CCDC149: variants seen among roughly 807,000 people sequenced by gnomAD.
CCDC149 encodes coiled-coil domain-containing protein 149.
Under a neutral mutation model 59.9 loss-of-function variants are expected in CCDC149, and 45 were observed. That is an observed-to-expected ratio of 0.75 (90% CI 0.59 to 0.96). CCDC149 has a LOEUF of 0.96. CCDC149 is among the 40% of genes least tolerant of loss of function. The pLI, the probability that CCDC149 is intolerant of heterozygous loss-of-function variation, is 0.00. For missense variants in CCDC149, 584 were observed against 664.7 expected (o/e 0.88, Z 1.33); for synonymous variants, 245 against 260.6 (o/e 0.94, Z 0.58).
At position 24,837,371 on chromosome 4, in the gene CCDC149, A is replaced by C; in HGVS notation, c.519T>G (p.Ala173=). 1 of 1,614,194 alleles carries C rather than the reference A, an allele frequency of 6.2e-7. No homozygotes were observed. The highest frequency in any genetic ancestry group is 8.5e-7 in the Non-Finnish European group (1 of 1,180,032). ...TAACATCCTGAAGCTCGTCCACAGA[A>C]GCCTGCAGGTCGTGCTCCAGAGACT... The change falls in exon 6 of 13, where the codon GCT becomes GCG. Residue 173 remains alanine (A), a synonymous_variant. Transcript: ENST00000635206. This position sits in a 1 kb window ranked among gnomAD's most constrained non-coding sequence, Gnocchi z 4.3.
At chr4:24,907,084 A>G (rs1410006182) in intron 1 of CCDC149, among the ~76,000 whole-genome samples, 2 of 152,192 alleles carry the variant, frequency 1.3e-5, no homozygotes, top group Non-Finnish European at 2.9e-5. Flanking sequence ...AACAACAAAA[A>G]CTTGTAATCA....
At position 24,838,169 on chromosome 4, in the gene CCDC149, C is replaced by G. The variant is rs1392582676; in HGVS notation, c.476G>C (p.Arg159Pro). The G allele has an allele frequency of 6.2e-7, 1 of 1,613,542 alleles. No homozygotes were observed. Among genetic ancestry groups the G allele is most frequent in the African/African-American group, 1.3e-5 (1 of 74,900 alleles). The change falls in exon 5 of 13, where the codon CGA becomes CCA. Residue 159 changes from arginine to proline, a missense_variant. Physicochemically the swap from Arg to Pro is moderately radical, Grantham distance 103. Transcript: ENST00000635206. ...GTTAGTGAGAACCTGTTCCTTAGCT[C>G]GCTCTAGCTGCTGCACCAAGTCTTC...
intron 1 of CCDC149, chr4:24,895,239 G>T: frequency 1.7e-6 from 1 of 589,828 alleles, no homozygotes; most frequent in South Asian, 2.0e-5. Flanking sequence ...CTTCTGGGGA[G>T]CTGGGGATGC....
intron 1 of CCDC149, among the ~76,000 whole-genome samples, chr4:24,941,405 A>C (rs1722950426): frequency 6.6e-6 from 1 of 152,220 alleles, no homozygotes; most frequent in South Asian, 2.1e-4. Flanking sequence ...CAGTGTGTAG[A>C]GGGAAATTTA....
chr4:24,868,232 G>A (rs138656189), intron 3 of CCDC149, among the ~76,000 whole-genome samples: 47 of 152,206 alleles, frequency 3.1e-4, no homozygotes, highest in African/African-American at 1.1e-3. Context: ...TTCTGCTTCT[G>A]GCTAAACGGA....
intron 1 of CCDC149, among the ~76,000 whole-genome samples, chr4:24,951,430 G>T (rs1043160289): frequency 5.3e-5 from 8 of 152,080 alleles, no homozygotes; most frequent in Non-Finnish European, 1.0e-4. Context: ...AAAGAGCAGA[G>T]CACAAAAGAG....
chr4:24,833,469 C>T (rs1378172985), intron 8 of CCDC149, among the ~76,000 whole-genome samples: 4 of 152,074 alleles, frequency 2.6e-5, no homozygotes, highest in East Asian at 1.9e-4. Context: ...ACTAACAACA[C>T]AAAAATTAGC....
intron 1 of CCDC149, among the ~76,000 whole-genome samples, chr4:24,972,598 C>A (rs186498077): frequency 6.6e-6 from 1 of 152,158 alleles, no homozygotes; most frequent in African/African-American, 2.4e-5. Flanking sequence ...CGAGCCACCA[C>A]GCCCAGCCTT....
intron 1 of CCDC149, among the ~76,000 whole-genome samples, chr4:24,919,432 A>C (rs1722221312): frequency 6.6e-6 from 1 of 152,262 alleles, no homozygotes; most frequent in African/African-American, 2.4e-5. Context: ...TCCATTGGGT[A>C]CACATAAAAA....
At chr4:24,959,820 A>C (rs1049137692) in intron 1 of CCDC149, among the ~76,000 whole-genome samples, 24 of 152,232 alleles carry the variant, frequency 1.6e-4, no homozygotes, top group Non-Finnish European at 2.9e-4. Flanking sequence ...ATACCATTTA[A>C]AAACAAATGC....
At chr4:24,934,015 T>C (rs1464096081) in intron 1 of CCDC149, among the ~76,000 whole-genome samples, 1 of 152,196 alleles carries the variant, frequency 6.6e-6, no homozygotes, top group Non-Finnish European at 1.5e-5. Flanking sequence ...CCCTCCATGG[T>C]GTCATTCTCA....
intron 1 of CCDC149, among the ~76,000 whole-genome samples, chr4:24,888,951 C>G (rs1305616649): frequency 6.6e-6 from 1 of 151,926 alleles, no homozygotes; most frequent in East Asian, 1.9e-4. Flanking sequence ...CTCAGACTCA[C>G]CATGCCGTTT....
intron 9 of CCDC149, chr4:24,828,341 T>C (rs941062067): frequency 3.9e-5 from 6 of 151,986 alleles, no homozygotes; most frequent in Non-Finnish European, 8.8e-5. Flanking sequence ...ATAAATATAT[T>C]GTGCATTTGC....
chr4:24,951,017 A>C (rs190780253), intron 1 of CCDC149, among the ~76,000 whole-genome samples: 2 of 152,292 alleles, frequency 1.3e-5, no homozygotes, highest in Non-Finnish European at 2.9e-5. Flanking sequence ...GGACCCCTTT[A>C]GGTTAAAAAG....
chr4:24,950,310 G>A (rs886797960), intron 1 of CCDC149, among the ~76,000 whole-genome samples: 1 of 152,228 alleles, frequency 6.6e-6, no homozygotes, highest in Non-Finnish European at 1.5e-5. Flanking sequence ...CATCTGTGAA[G>A]GGTGATTCTA....
chr4:24,906,652 C>T (rs1159361185), intron 1 of CCDC149, among the ~76,000 whole-genome samples: 1 of 152,042 alleles, frequency 6.6e-6, no homozygotes, highest in African/African-American at 2.4e-5. Flanking sequence ...CCTGCCTCAG[C>T]CTCCCAAAGT....
intron 12 of CCDC149, 36 bp from the exon 13 acceptor site, chr4:24,808,855 C>T (rs1338662708): frequency 2.0e-6 from 3 of 1,500,478 alleles, no homozygotes; most frequent in Non-Finnish European, 2.7e-6. Flanking sequence ...AAACCTCTGG[C>T]AGCAAATCAG....
chr4:24,824,756 G>A (rs1715621617), intron 9 of CCDC149, among the ~76,000 whole-genome samples: 1 of 152,212 alleles, frequency 6.6e-6, no homozygotes, highest in Non-Finnish European at 1.5e-5. Context: ...GGCTGTATCG[G>A]AATGTAAGCC....
intron 10 of CCDC149, among the ~76,000 whole-genome samples, 185 bp from the exon 11 acceptor site, chr4:24,821,272 A>G (rs1018895466): frequency 2.6e-5 from 4 of 152,196 alleles, no homozygotes. Flanking sequence ...TTGAGAAAAA[A>G]AAAAATAAAA....
Sources: allele counts gnomAD v4.1 joint callset (sites outside exome capture counted in the v4.1 genomes callset), GRCh38; gene constraint gnomAD v4.1.1; non-coding constraint Gnocchi (gnomAD v3.1); transcripts MANE v1.5; gene names NCBI Gene and HGNC (gene_info 2026-07-23, HGNC 2026-07-21).